The following IL6ST variants were observed in gnomAD, a reference collection of about 807,000 sequenced individuals.
IL6ST encodes interleukin 6 cytokine family signal transducer.
Under a neutral mutation model 91.3 loss-of-function variants are expected in IL6ST, and 24 were observed. That is an observed-to-expected ratio of 0.26 (90% confidence interval 0.19 to 0.37). The LOEUF (loss-of-function observed/expected upper bound fraction) is 0.37. Among genes scored for constraint, IL6ST ranks in the 10% least tolerant of loss-of-function variants. IL6ST has a pLI of 1.00. For synonymous variants in IL6ST, 351 were observed against 373.6 expected, an observed-to-expected ratio of 0.94 and a Z score of 0.70; for missense variants, 914 against 1,078.5, an observed-to-expected ratio of 0.85 and a Z score of 2.14.
intron 16 of IL6ST, among the ~76,000 whole-genome samples, 188 bp downstream of exon 16, chr5:55,942,482 A>G (rs774610750): frequency 6.6e-6 from 1 of 152,232 alleles, no homozygotes; most frequent in Non-Finnish European, 1.5e-5. Flanking sequence ...AATATGTCAT[A>G]CATATTAAAT....
At chr5:55,957,056 G>T (rs566040150) in intron 9 of IL6ST, among the ~76,000 whole-genome samples, 153 bp downstream of exon 9, 1 of 151,764 alleles carries the variant, frequency 6.6e-6, no homozygotes, top group Non-Finnish European at 1.5e-5. Context: ...TACTCAGGAG[G>T]CTGAGGCAGG....
Position 55,937,034 on chromosome 5 carries a change from G to C in IL6ST, c.*4048C>G. ...AGAGAATTTTCAAATATCTACCTTT[G>C]AAATATCCCTTTGTTTCTAACACAT... On this transcript the variant is annotated 3_prime_UTR_variant, in exon 17 of 17. Coordinates refer to ENST00000381298, the MANE Select transcript of IL6ST (RefSeq NM_002184.4). 1 of 200,796 alleles carries C rather than the reference G, an allele frequency of 5.0e-6. No homozygotes were observed. The highest frequency in any genetic ancestry group is 1.0e-5 in the Non-Finnish European group (1 of 97,316). 12.4% of individuals were successfully genotyped at this position (200,796 alleles called of 1,614,324 possible).
chr5:55,993,225 C>G (rs1212090750), intron 1 of IL6ST, among the ~76,000 whole-genome samples: 1 of 152,190 alleles, frequency 6.6e-6, no homozygotes, highest in Non-Finnish European at 1.5e-5. Flanking sequence ...CCTTAAGTTC[C>G]CAAACCAAAT....
At chr5:55,951,869 A>C in intron 13 of IL6ST, 60 bp downstream of exon 13, 2 of 1,038,864 alleles carry the variant, frequency 1.9e-6, no homozygotes, top group Non-Finnish European at 2.8e-6. Context: ...GACTTAAATT[A>C]GTACTTAAAA....
intron 3 of IL6ST, among the ~76,000 whole-genome samples, chr5:55,971,868 G>C (rs1268166261): frequency 6.6e-6 from 1 of 152,180 alleles, no homozygotes; most frequent in Non-Finnish European, 1.5e-5. Context: ...GTAAAACCCA[G>C]AGCTGGAATG....
At chr5:55,986,929 CCAAGG>C (rs1754009033) in intron 1 of IL6ST, among the ~76,000 whole-genome samples, 1 of 152,166 alleles carries the variant, frequency 6.6e-6, no homozygotes. Flanking sequence ...CTCTGGGAGG[CCAAGG>C]CAGGAGGATC....
chr5:55,956,340 T>C (rs945645489), intron 9 of IL6ST, 105 bp from the exon 10 acceptor site: 3 of 661,652 alleles, frequency 4.5e-6, no homozygotes, highest in Non-Finnish European at 5.1e-6. Flanking sequence ...AATCTCTAAA[T>C]ATTTAACTGG....
chr5:55,943,336 T>G (rs1580783466), intron 15 of IL6ST, among the ~76,000 whole-genome samples: 1 of 152,116 alleles, frequency 6.6e-6, no homozygotes, highest in South Asian at 2.1e-4. Flanking sequence ...AAAGCTATAT[T>G]TATAAAGAAA....
chr5:55,967,161 T>A (rs1267048430), intron 5 of IL6ST, among the ~76,000 whole-genome samples: 1 of 150,548 alleles, frequency 6.6e-6, no homozygotes, highest in Non-Finnish European at 1.5e-5. Flanking sequence ...TAGAAAAAAA[T>A]TAGCTGGGCA....
At chr5:55,981,793 CCATACATTG>C (rs1181951935) in intron 2 of IL6ST, among the ~76,000 whole-genome samples, 2 of 152,114 alleles carry the variant, frequency 1.3e-5, no homozygotes, top group African/African-American at 4.8e-5. Context: ...TATATTATAA[CCATACATTG>C]CATACACTAA....
intron 15 of IL6ST, 144 bp downstream of exon 15, chr5:55,947,347 ATT>A: frequency 1.7e-6 from 1 of 592,058 alleles, no homozygotes; most frequent in East Asian, 3.0e-5. Flanking sequence ...AATGTTCTAT[ATT>A]GTGATTATGG....
At chr5:55,975,365 T>TCC (rs1162512832) in intron 3 of IL6ST, among the ~76,000 whole-genome samples, 1 of 152,038 alleles carries the variant, frequency 6.6e-6, no homozygotes, top group Non-Finnish European at 1.5e-5. Context: ...GATGCCTCAC[T>TCC]CCCCCTTTGT....
At chr5:55,953,863 T>C (rs956156224) in intron 11 of IL6ST, among the ~76,000 whole-genome samples, 2 of 152,190 alleles carry the variant, frequency 1.3e-5, no homozygotes, top group African/African-American at 2.4e-5. Context: ...AGCATGTGCC[T>C]GTAGTCCCAG....
chr5:55,967,309 C>CAAAAAAAAAAAAAAAAAAAAAA (rs60547666), intron 5 of IL6ST, among the ~76,000 whole-genome samples: 1 of 31,900 alleles, frequency 3.1e-5, no homozygotes, highest in Admixed American at 6.1e-4. Flanking sequence ...GACTCCATCT[C>CAAAAAAAAAAAAAAAAAAAAAA]AAAAAAAAAA....
chr5:55,977,624 G>A (rs1295826553), intron 2 of IL6ST, among the ~76,000 whole-genome samples: 3 of 152,054 alleles, frequency 2.0e-5, no homozygotes, highest in Admixed American at 6.6e-5. Context: ...TCAGGAGTTC[G>A]AGACGAGCCT....
In IL6ST at chr5:55,987,643, C is replaced by T. The variant is rs1024833259; in HGVS notation, c.-103-4832G>A. 2.0e-5 allele frequency among the ~76,000 whole-genome samples: 3 copies of T among 152,186 alleles called. No homozygotes were observed. In the South Asian group the frequency reaches 6.2e-4, roughly 31 times the overall value. ...CATCTTAGGCAAGTTTTTAAATAGC[C>T]TTCACTTTTACTTCCTTTATCTGTA... On this transcript the variant is annotated intron_variant, in intron 1 of 16. Coordinates refer to ENST00000381298, the MANE Select transcript of IL6ST (RefSeq NM_002184.4).
rs1373158038 is a variant in IL6ST at position 55,938,687 on chromosome 5, C to T, written c.*2395G>A. The T allele has an allele frequency of 5.1e-6, 1 of 197,960 alleles. No individual in the cohort carries two copies. The highest frequency in any genetic ancestry group is 2.3e-5 in the African/African-American group (1 of 43,342). The allele number at this position is 197,960 out of a possible 1,614,324, so 12.3% of individuals were successfully genotyped here. Reference sequence around the variant, plus strand: ...CAGATTTCTTTGCCTACCTAAAGTACAATTTACATGCATCAACACATAGAT... The same window carrying T: ...CAGATTTCTTTGCCTACCTAAAGTATAATTTACATGCATCAACACATAGAT... On this transcript the variant is annotated 3_prime_UTR_variant, in exon 17 of 17. Coordinates refer to ENST00000381298, the MANE Select transcript of IL6ST (RefSeq NM_002184.4).
intron 2 of IL6ST, among the ~76,000 whole-genome samples, chr5:55,981,298 T>C (rs1429896170): frequency 6.6e-6 from 1 of 152,214 alleles, no homozygotes; most frequent in Non-Finnish European, 1.5e-5. Context: ...AGTAACACTA[T>C]ATAAAATATT....
chr5:55,992,289 A>G (rs1472358479), intron 1 of IL6ST, among the ~76,000 whole-genome samples: 2 of 152,176 alleles, frequency 1.3e-5, no homozygotes, highest in Non-Finnish European at 2.9e-5. Flanking sequence ...ACTTTCTGGT[A>G]TGATCTTATT....
Sources: allele counts gnomAD v4.1 joint callset (sites outside exome capture counted in the v4.1 genomes callset), GRCh38; gene constraint gnomAD v4.1.1; transcripts MANE v1.5; gene names NCBI Gene and HGNC (gene_info 2026-07-23, HGNC 2026-07-21).